The following DNAJC13 variants were observed in gnomAD, a reference collection of about 807,000 sequenced individuals.
DNAJC13 encodes the protein DnaJ heat shock protein family (Hsp40) member C13.
DNAJC13 carries 75 observed loss-of-function variants against 290.5 expected under a neutral mutation model. That is an observed-to-expected ratio of 0.26 (90% CI 0.21 to 0.31). The LOEUF (loss-of-function observed/expected upper bound fraction) is 0.31, where lower values mean the gene tolerates loss of function less well. DNAJC13 is among the 10% of genes least tolerant of loss of function. The probability of loss-of-function intolerance (pLI) is 1.00; values close to 1 mark genes in which losing one functional copy is unlikely to be tolerated. For synonymous variants in DNAJC13, 862 were observed against 892.0 expected (o/e 0.97, Z 0.60); for missense variants, 2,260 against 2,674.5 (o/e 0.85, Z 3.42).
rs367731784 is a variant in DNAJC13, at chr3:132,462,477, T to C, written c.1724T>C (p.Met575Thr). ...TLFKLFQHPS[M>T]AIIKGAGLVM... The stretch of plus-strand genomic sequence containing the variant: ...CCCCTCACTTTAAAGCATCCTTCCA[T>C]GGCAATAATAAAAGGAGCTGGGTTG... Residue 575 changes from methionine (M) to threonine (T), a missense_variant, in exon 16 of 56, where the codon ATG (methionine) becomes ACG (threonine). Met to Thr is a moderately conservative substitution (Grantham distance 81). Transcript: ENST00000260818. 16 of 1,609,356 alleles carry C rather than the reference T, an allele frequency of 9.9e-6. No individual in the cohort carries two copies. The highest frequency in any genetic ancestry group is 1.4e-5 in the Non-Finnish European group (16 of 1,178,588).
intron 20 of DNAJC13, among the ~76,000 whole-genome samples, chr3:132,470,695 G>C: frequency 8.2e-6 from 1 of 122,502 alleles, no homozygotes; most frequent in Non-Finnish European, 1.8e-5. Context: ...CCCGGACGGG[G>C]CGGCTGGCCG....
chr3:132,503,181 T>A, intron 40 of DNAJC13, 33 bp from the exon 41 acceptor site: 1 of 1,605,892 alleles, frequency 6.2e-7, no homozygotes, highest in Non-Finnish European at 8.5e-7. Context: ...AGATAACAGA[T>A]CTACTTTAAC....
At position 132,447,879 on chromosome 3, in the gene DNAJC13, G is replaced by A. The variant is rs747409180; in HGVS notation, c.295-19G>A. On this transcript the variant is annotated intron_variant, in intron 4 of 55. Transcript: ENST00000260818. The stretch of plus-strand genomic sequence containing the variant: ...TACCAGTCTGTTGTCATAAACTGTG[G>A]TTATGTTTTCTCTTTCAGAGATTTA... 2 of 1,599,328 alleles carry A rather than the reference G, an allele frequency of 1.3e-6. No homozygotes were observed. Among genetic ancestry groups the A allele is most frequent in the South Asian group, 1.1e-5 (1 of 89,504 alleles).
rs1934526674 is a variant in DNAJC13, at chr3:132,477,918, C to T, written c.2549+26C>T. 7 of 1,602,274 alleles carry T rather than the reference C, an allele frequency of 4.4e-6. No homozygotes were observed. The East Asian group carries it at 1.6e-4, about 36-fold the overall frequency. On this transcript the variant is annotated intron_variant, in intron 23 of 55. Coordinates refer to ENST00000260818, the MANE Select transcript of DNAJC13 (RefSeq NM_015268.4). ...GTGAGCTACTCTGTATATCCTGTCG[C>T]ATTTGTTTTCACTGTTGGTTTCATG...
chr3:132,475,500 A>T (rs1009786060), intron 22 of DNAJC13, among the ~76,000 whole-genome samples: 2 of 152,036 alleles, frequency 1.3e-5, no homozygotes, highest in Non-Finnish European at 2.9e-5. Flanking sequence ...TAAAATATTG[A>T]TGTGAAGAGC....
chr3:132,488,442 C>T lies in DNAJC13; in HGVS notation c.3412C>T (p.Pro1138Ser). Residue 1138 changes from proline (P) to serine (S), a missense_variant, in exon 30 of 56, where the codon CCT (proline) becomes TCT (serine). By Grantham distance (74) the Pro-to-Ser change is moderately conservative. This residue lies in a region of DNAJC13 where 1,494 missense variants were observed against 1,693.7 expected (regional missense o/e 0.88). Coordinates refer to ENST00000260818, the MANE Select transcript of DNAJC13 (RefSeq NM_015268.4). Reference sequence around the variant, plus strand: ...GATGTACACAGGTTCCAATGTGCTTCCTGTTGCTCGGTAAGAACTTTAAGG... The same window carrying T: ...GATGTACACAGGTTCCAATGTGCTTTCTGTTGCTCGGTAAGAACTTTAAGG... ...IMMYTGSNVL[P>S]VARFLKYTHT... is the part of the protein sequence containing the mutation. 1 of 1,608,658 alleles carries T rather than the reference C, an allele frequency of 6.2e-7. No individual in the cohort carries two copies. The highest frequency in any genetic ancestry group is 1.3e-5 in the African/African-American group (1 of 74,764).
intron 55 of DNAJC13, among the ~76,000 whole-genome samples, chr3:132,537,896 T>C (rs1234822950): frequency 6.6e-6 from 1 of 152,242 alleles, no homozygotes; most frequent in Non-Finnish European, 1.5e-5. Context: ...TTTTGAAAGA[T>C]TGAATTTCCC....
At chr3:132,534,286 T>C (rs1270730460) in intron 55 of DNAJC13, among the ~76,000 whole-genome samples, 1 of 152,198 alleles carries the variant, frequency 6.6e-6, no homozygotes, top group African/African-American at 2.4e-5. Flanking sequence ...CTGAGCATGT[T>C]ATCAATCTGG....
Position 132,466,314 on chromosome 3 carries a change from G to T in DNAJC13, c.1984G>T (p.Ala662Ser), listed in dbSNP as rs267599611. Residue 662 changes from alanine (A) to serine (S), a missense_variant, in exon 19 of 56, where the codon GCA becomes TCA. Ala to Ser is a moderately conservative substitution (Grantham distance 99). Transcript: ENST00000260818. ...GTGTTTTTAGCCGCCAGGCTTGCTG[G>T]CATACTTGGAAAGCTCAGATCTCGT... ...LKRILPPGLLAYLESSDLVPE... is the reference protein window; with the variant it reads ...LKRILPPGLLSYLESSDLVPE... 1.3e-6 allele frequency: 2 copies of T among 1,589,100 alleles called. No homozygotes were observed. Among genetic ancestry groups the T allele is most frequent in the Non-Finnish European group, 1.7e-6 (2 of 1,172,778 alleles).
intron 20 of DNAJC13, among the ~76,000 whole-genome samples, chr3:132,470,835 C>G (rs1251043860): frequency 1.5e-5 from 2 of 129,932 alleles, no homozygotes; most frequent in African/African-American, 3.1e-5. Flanking sequence ...GCTGGCCAGG[C>G]GGGGGGCTGA....
At position 132,499,325 on chromosome 3, in the gene DNAJC13, C is replaced by T; in HGVS notation, c.4341+15C>T. On this transcript the variant is annotated intron_variant, in intron 37 of 55. Coordinates refer to ENST00000260818, the MANE Select transcript of DNAJC13 (RefSeq NM_015268.4). ...ATGGACTAGAGGTAATACGGAGTGACCTTTGTGCTTTTTAAGCCAGTTTAC... is the reference window on the plus strand; with the variant it reads ...ATGGACTAGAGGTAATACGGAGTGATCTTTGTGCTTTTTAAGCCAGTTTAC... 6.4e-7 allele frequency: 1 copy of T among 1,561,764 alleles called. No homozygotes were observed. Among genetic ancestry groups the T allele is most frequent in the Non-Finnish European group, 8.7e-7 (1 of 1,151,954 alleles).
chr3:132,476,624 A>G (rs1934481990), intron 22 of DNAJC13, among the ~76,000 whole-genome samples: 1 of 152,216 alleles, frequency 6.6e-6, no homozygotes, highest in African/African-American at 2.4e-5. Flanking sequence ...GTAACCCCCA[A>G]TGCTAAGCAT....
chr3:132,524,625 T>C (rs1039405146), intron 51 of DNAJC13, among the ~76,000 whole-genome samples: 5 of 152,250 alleles, frequency 3.3e-5, no homozygotes, highest in African/African-American at 1.2e-4. Flanking sequence ...ATTAGCTTGC[T>C]GAGTATTTAC....
chr3:132,501,824 A>G (rs771158209), intron 39 of DNAJC13, among the ~76,000 whole-genome samples: 10 of 152,216 alleles, frequency 6.6e-5, no homozygotes, highest in Admixed American at 3.3e-4. Flanking sequence ...CTAAAGTATC[A>G]AGAAGTGAGG....
chr3:132,499,720 T>G lies in DNAJC13; in HGVS notation c.4342-14T>G. 2 of 1,613,546 alleles carry G rather than the reference T, an allele frequency of 1.2e-6. No individual in the cohort carries two copies. Among genetic ancestry groups the G allele is most frequent in the Non-Finnish European group, 1.7e-6 (2 of 1,179,742 alleles). ...TCAAAATGGAGAGTTAATAGCTGAC[T>G]TCTTCCTCTGCAGGTGTTACAAGAG... On this transcript the variant is annotated splice_polypyrimidine_tract_variant and intron_variant, in intron 37 of 55. Coordinates refer to ENST00000260818, the MANE Select transcript of DNAJC13 (RefSeq NM_015268.4).
At chr3:132,489,813 C>G (rs1935007678) in intron 31 of DNAJC13, among the ~76,000 whole-genome samples, 1 of 152,080 alleles carries the variant, frequency 6.6e-6, no homozygotes, top group African/African-American at 2.4e-5. Flanking sequence ...ATTTCCACAG[C>G]TTTTTACAAA....
At chr3:132,521,776 A>T (rs1006271138) in intron 48 of DNAJC13, among the ~76,000 whole-genome samples, 2 of 152,186 alleles carry the variant, frequency 1.3e-5, no homozygotes, top group African/African-American at 4.8e-5. Context: ...ATATTTAGGG[A>T]ATATAGGAAG....
chr3:132,458,041 G>C (rs1368478973), intron 13 of DNAJC13: 3 of 152,104 alleles, frequency 2.0e-5, no homozygotes. Context: ...AACCCACACT[G>C]GTAGTATGTG....
chr3:132,533,899 A>G (rs1331146281), intron 55 of DNAJC13, among the ~76,000 whole-genome samples: 2 of 152,098 alleles, frequency 1.3e-5, no homozygotes, highest in Non-Finnish European at 2.9e-5. Context: ...TTTGGTCCTC[A>G]CCCCCATCCA....
Sources: allele counts gnomAD v4.1 joint callset (sites outside exome capture counted in the v4.1 genomes callset), GRCh38; gene constraint gnomAD v4.1.1; regional missense constraint gnomAD v4.1.1; transcripts MANE v1.5; gene names NCBI Gene and HGNC (gene_info 2026-07-23, HGNC 2026-07-21).